The following CDC42BPA variants were observed in gnomAD, a reference collection of about 807,000 sequenced individuals.
CDC42BPA encodes serine/threonine-protein kinase MRCK alpha.
In CDC42BPA, 80 loss-of-function variants were observed where a neutral mutation model predicts 223.5. That is an observed-to-expected ratio of 0.36 (90% CI 0.30 to 0.43). The LOEUF (loss-of-function observed/expected upper bound fraction) is 0.43, where lower values mean the gene tolerates loss of function less well. Ranked by LOEUF, CDC42BPA falls within the 20% of genes least tolerant of loss-of-function variation. The pLI is 1.00. For synonymous variants in CDC42BPA, 694 were observed against 718.6 expected (o/e 0.97, Z 0.55); for missense variants, 1,743 against 2,099.9 (o/e 0.83, Z 3.32).
intron 10 of CDC42BPA, among the ~76,000 whole-genome samples, chr1:227,132,900 G>A (rs1241957304): frequency 1.9e-4 from 28 of 147,516 alleles, no homozygotes; most frequent in African/African-American, 5.0e-4. Context: ...CCTGGCAACC[G>A]CCCCGACTGA....
chr1:227,010,290 A>G (rs1664922841), intron 34 of CDC42BPA, among the ~76,000 whole-genome samples: 1 of 152,186 alleles, frequency 6.6e-6, no homozygotes, highest in African/African-American at 2.4e-5. Context: ...TCCTGGTTGG[A>G]ATTACATGCA....
At chr1:227,272,273 C>T (rs1686081717) in intron 1 of CDC42BPA, among the ~76,000 whole-genome samples, 1 of 152,104 alleles carries the variant, frequency 6.6e-6, no homozygotes, top group South Asian at 2.1e-4. Flanking sequence ...TATAGACAAT[C>T]TAAAAGTAAC....
At chr1:227,289,450 T>C (rs557388599) in intron 1 of CDC42BPA, among the ~76,000 whole-genome samples, 119 of 152,302 alleles carry the variant, frequency 7.8e-4, no homozygotes, top group Middle Eastern at 3.4e-3. Context: ...TCAGAGGTCT[T>C]CACTAACCAA....
At chr1:227,091,103 A>T (rs1682992345) in intron 16 of CDC42BPA, among the ~76,000 whole-genome samples, 2 of 152,178 alleles carry the variant, frequency 1.3e-5, no homozygotes, top group South Asian at 4.1e-4. Context: ...ATCAGCTGTT[A>T]CAATTTCTCC....
intron 5 of CDC42BPA, among the ~76,000 whole-genome samples, chr1:227,168,502 T>TTTTTTTTGTTTTTTTTTTTG (rs904383481): frequency 3.9e-5 from 5 of 128,394 alleles, no homozygotes; most frequent in Non-Finnish European, 8.3e-5. Flanking sequence ...CTGGTGTTTT[T>TTTTTTTTGTTTTTTTTTTTG]TTTTTTTTTT....
intron 1 of CDC42BPA, among the ~76,000 whole-genome samples, chr1:227,306,287 T>G (rs1692534145): frequency 6.6e-6 from 1 of 152,104 alleles, no homozygotes. Flanking sequence ...ATCAGTAAGA[T>G]CCAGGAACGT....
intron 22 of CDC42BPA, among the ~76,000 whole-genome samples, chr1:227,048,893 C>T (rs1413844111): frequency 1.3e-5 from 2 of 151,692 alleles, no homozygotes; most frequent in African/African-American, 4.8e-5. Context: ...CCTTTCTTTG[C>T]TGTTATTATA....
intron 5 of CDC42BPA, among the ~76,000 whole-genome samples, chr1:227,161,422 G>C (rs183306554): frequency 4.3e-4 from 65 of 152,210 alleles, no homozygotes; most frequent in African/African-American, 1.6e-3. Context: ...GGGAGAAAAA[G>C]AATCTCTGGA....
At chr1:227,284,707 T>A (rs886946753) in intron 1 of CDC42BPA, among the ~76,000 whole-genome samples, 1 of 152,130 alleles carries the variant, frequency 6.6e-6, no homozygotes, top group Non-Finnish European at 1.5e-5. Flanking sequence ...ACATCTGTAA[T>A]CCCAGCATGT....
rs181788641 is a variant in CDC42BPA, at chr1:227,039,458, A to T, written c.3199+673T>A. Among the ~76,000 whole-genome samples the T allele has an allele frequency of 8.8e-4, 134 of 152,308 alleles. 1 individual carries two copies. Among genetic ancestry groups the T allele is most frequent in the African/African-American group, 3.1e-3 (128 of 41,566 alleles). On this transcript the variant is annotated intron_variant, in intron 24 of 36. Transcript: ENST00000366766. The stretch of plus-strand genomic sequence containing the variant: ...AAAAAAGTATTCTTCTGAAACATTT[A>T]AAAAAATATATGTTCCATTATAATT...
chr1:227,016,217 T>C lies in CDC42BPA; in HGVS notation c.4740-20A>G, dbSNP rs768833324. 8.0e-7 allele frequency: 1 copy of C among 1,255,454 alleles called. No individual in the cohort carries two copies. The highest frequency in any genetic ancestry group is 1.2e-6 in the Non-Finnish European group (1 of 857,564). The allele number at this position is 1,255,454 out of a possible 1,614,324, so 77.8% of individuals were successfully genotyped here. ...ATTTCCCTGTAAGACAAGGCATCTG[T>C]TTAGATACTTTTTCCACAGTTAATT... On this transcript the variant is annotated intron_variant, in intron 33 of 36. Coordinates refer to ENST00000366766, the MANE Select transcript of CDC42BPA (RefSeq NM_001394014.1).
At chr1:227,277,078 T>TAAAAAAAAAAAAAAAA (rs199895591) in intron 1 of CDC42BPA, among the ~76,000 whole-genome samples, 5 of 105,072 alleles carry the variant, frequency 4.8e-5, no homozygotes, top group African/African-American at 6.8e-5. Context: ...CAATAAATAC[T>TAAAAAAAAAAAAAAAA]AAAAAAAAAA....
At chr1:227,130,269 T>C (rs1656798586) in intron 10 of CDC42BPA, among the ~76,000 whole-genome samples, 1 of 152,198 alleles carries the variant, frequency 6.6e-6, no homozygotes, top group African/African-American at 2.4e-5. Flanking sequence ...TACTGATTAC[T>C]TTGTGTGTGC....
intron 27 of CDC42BPA, among the ~76,000 whole-genome samples, chr1:227,032,298 T>C (rs900053922): frequency 6.6e-6 from 1 of 152,308 alleles, no homozygotes; most frequent in Admixed American, 6.5e-5. Context: ...TGGGCCTCTG[T>C]AGGCTCCCTT....
intron 16 of CDC42BPA, among the ~76,000 whole-genome samples, chr1:227,088,312 T>C (rs1326786688): frequency 6.6e-6 from 1 of 152,190 alleles, no homozygotes; most frequent in African/African-American, 2.4e-5. Context: ...ATTTTAAGTA[T>C]TAGTTCATTT....
At chr1:227,167,166 C>T (rs554913006) in intron 5 of CDC42BPA, among the ~76,000 whole-genome samples, 8 of 152,096 alleles carry the variant, frequency 5.3e-5, no homozygotes, top group Non-Finnish European at 8.8e-5. Context: ...TTGGTAAAAT[C>T]TTTTTAAATA....
rs1302291274 is a variant in CDC42BPA, at chr1:227,168,497, G to GTGTTTTTTT, written c.600-7862_600-7861insAAAAAAACA. Among the ~76,000 whole-genome samples the GTGTTTTTTT allele has an allele frequency of 1.6e-3, 126 of 80,208 alleles. 1 individual carries two copies. Among genetic ancestry groups the GTGTTTTTTT allele is most frequent in the Non-Finnish European group, 2.5e-3 (105 of 42,206 alleles). 52.6% of individuals were successfully genotyped at this position (80,208 alleles called of 152,430 possible). On this transcript the variant is annotated intron_variant, in intron 5 of 36. Coordinates refer to ENST00000366766, the MANE Select transcript of CDC42BPA (RefSeq NM_001394014.1). ...CTTTTTCATATTTATCTTCCCTGGT[G>GTGTTTTTTT]TTTTTTTTTTTTTTTTGAGGCAGAG...
At chr1:227,256,948 GAC>G (rs55961981) in intron 1 of CDC42BPA, among the ~76,000 whole-genome samples, 36,498 of 140,750 alleles carry the variant, frequency 0.26, 4,729 homozygotes, top group Non-Finnish European at 0.3. Context: ...TATATATACA[GAC>G]ACACACACAC....
chr1:227,040,666 T>C (rs961259844), intron 23 of CDC42BPA, among the ~76,000 whole-genome samples: 2 of 152,196 alleles, frequency 1.3e-5, no homozygotes, highest in African/African-American at 4.8e-5. Flanking sequence ...AAAATTATTG[T>C]TTCTACTGTA....
Sources: allele counts gnomAD v4.1 joint callset (sites outside exome capture counted in the v4.1 genomes callset), GRCh38; gene constraint gnomAD v4.1.1; transcripts MANE v1.5; gene names NCBI Gene and HGNC (gene_info 2026-07-23, HGNC 2026-07-21).